MBOAT1: variants seen among roughly 807,000 people sequenced by gnomAD.
MBOAT1 encodes the protein membrane bound glycerophospholipid O-acyltransferase 1.
In MBOAT1, 67 loss-of-function variants were observed where a neutral mutation model predicts 64.4. That is an observed-to-expected ratio of 1.04 (90% CI 0.85 to 1.27). The LOEUF (loss-of-function observed/expected upper bound fraction) is 1.27, where lower values mean the gene tolerates loss of function less well. Ranked by LOEUF, MBOAT1 falls within the 50% of genes most tolerant of loss-of-function variation. The pLI is 0.00. For missense variants in MBOAT1, 563 were observed against 604.6 expected (o/e 0.93, Z 0.72); for synonymous variants, 229 against 218.9 (o/e 1.05, Z -0.41).
intron 8 of MBOAT1, among the ~76,000 whole-genome samples, chr6:20,119,096 C>T (rs1257924759): frequency 6.6e-6 from 1 of 152,122 alleles, no homozygotes; most frequent in Non-Finnish European, 1.5e-5. Flanking sequence ...GGTAGTGTAT[C>T]AGTTGGAGCT....
intron 2 of MBOAT1, among the ~76,000 whole-genome samples, chr6:20,152,314 G>A (rs888322589): frequency 2.0e-5 from 3 of 147,524 alleles, no homozygotes; most frequent in East Asian, 2.0e-4. Flanking sequence ...GCGACAGAGC[G>A]AGACTCCGTC....
Position 20,118,426 on chromosome 6 carries a change from C to A in MBOAT1, c.1011+11G>T, listed in dbSNP as rs758140697. On this transcript the variant is annotated intron_variant, in intron 9 of 12. Transcript: ENST00000324607. ...TCACTATGGAAGTTGGACTTAAAAG[C>A]ATACACTCACCTCAATTTTCCAGAT... The A allele has an allele frequency of 1.2e-6, 2 of 1,606,676 alleles. No individual in the cohort carries two copies. Among genetic ancestry groups the A allele is most frequent in the Admixed American group, 3.3e-5 (2 of 60,000 alleles).
chr6:20,119,821 A>G (rs1000236755), intron 8 of MBOAT1, among the ~76,000 whole-genome samples: 1 of 152,214 alleles, frequency 6.6e-6, no homozygotes, highest in African/African-American at 2.4e-5. Flanking sequence ...ACAGAGATCA[A>G]TGACACTAAG....
In MBOAT1 at chr6:20,110,076, A is replaced by AT. The variant is rs1554115421; in HGVS notation, c.1210-328dup. On this transcript the variant is annotated intron_variant, in intron 11 of 12. Coordinates refer to ENST00000324607, the MANE Select transcript of MBOAT1 (RefSeq NM_001080480.3). ...AGGCACCTGCCTCTATGCCCTGCTA[A>AT]TTTTTTGTATTTTTAGTAGAGCTGG... 9.8e-4 allele frequency among the ~76,000 whole-genome samples: 148 copies of AT among 151,356 alleles called. 1 individual carries two copies. Among genetic ancestry groups the AT allele is most frequent in the African/African-American group, 3.2e-3 (130 of 41,266 alleles).
intron 7 of MBOAT1, among the ~76,000 whole-genome samples, chr6:20,125,381 G>A (rs1039447356): frequency 6.6e-5 from 10 of 152,188 alleles, no homozygotes; most frequent in African/African-American, 2.4e-4. Context: ...TCCCAGTTAA[G>A]TGCTTAGCAC....
chr6:20,193,758 C>T (rs183749879), intron 1 of MBOAT1, among the ~76,000 whole-genome samples: 52 of 152,014 alleles, frequency 3.4e-4, no homozygotes, highest in Admixed American at 3.3e-3. Context: ...AGGCACCCGC[C>T]ACCACACCCA....
At chr6:20,126,741 T>C in intron 6 of MBOAT1, 41 bp from the exon 7 acceptor site, 1 of 1,447,010 alleles carries the variant, frequency 6.9e-7, no homozygotes, top group Non-Finnish European at 9.5e-7. Context: ...TCTTCAGTCT[T>C]TGCTTTTTCT....
chr6:20,193,887 G>A (rs1038236827), intron 1 of MBOAT1, among the ~76,000 whole-genome samples: 42 of 152,152 alleles, frequency 2.8e-4, no homozygotes, highest in Non-Finnish European at 2.1e-4. Context: ...TTACAGGTGT[G>A]AGCCACTGCG....
At chr6:20,116,123 G>A (rs1410050397) in intron 9 of MBOAT1, among the ~76,000 whole-genome samples, 1 of 152,166 alleles carries the variant, frequency 6.6e-6, no homozygotes, top group Non-Finnish European at 1.5e-5. Flanking sequence ...CCTGAGGTCA[G>A]GAGTTCAAGA....
chr6:20,148,779 C>T (rs981012557), intron 3 of MBOAT1, among the ~76,000 whole-genome samples: 24 of 152,236 alleles, frequency 1.6e-4, no homozygotes, highest in African/African-American at 5.1e-4. Context: ...ATTTCCACTT[C>T]GGCAATATTG....
At chr6:20,120,101 T>C (rs1292656329) in intron 8 of MBOAT1, among the ~76,000 whole-genome samples, 3 of 151,940 alleles carry the variant, frequency 2.0e-5, no homozygotes, top group Non-Finnish European at 2.9e-5. Flanking sequence ...CCTAACAGTG[T>C]TGAGACAGAA....
chr6:20,138,004 G>A (rs1051767531), intron 4 of MBOAT1, among the ~76,000 whole-genome samples: 4 of 152,114 alleles, frequency 2.6e-5, no homozygotes, highest in African/African-American at 4.8e-5. Context: ...TGGTTTGCTC[G>A]CATGCCTGTA....
chr6:20,159,965 G>C (rs995320751), intron 1 of MBOAT1, among the ~76,000 whole-genome samples: 2 of 152,108 alleles, frequency 1.3e-5, no homozygotes, highest in African/African-American at 4.8e-5. Context: ...TTAAAGTATT[G>C]TGTGGGCCTT....
intron 4 of MBOAT1, among the ~76,000 whole-genome samples, chr6:20,141,674 A>G (rs1761180986): frequency 6.6e-6 from 1 of 152,050 alleles, no homozygotes; most frequent in Non-Finnish European, 1.5e-5. Context: ...AGTGTGAGCC[A>G]TTGTGCCTGG....
intron 3 of MBOAT1, among the ~76,000 whole-genome samples, chr6:20,145,156 G>C (rs775643070): frequency 6.6e-6 from 1 of 152,074 alleles, no homozygotes; most frequent in Non-Finnish European, 1.5e-5. Context: ...GGGACCTTTG[G>C]GAGGTGACTA....
intron 11 of MBOAT1, among the ~76,000 whole-genome samples, 153 bp from the exon 12 acceptor site, chr6:20,109,902 C>CT (rs1158455991): frequency 0.03 from 2,802 of 93,900 alleles, 121 homozygotes; most frequent in African/African-American, 0.043. Flanking sequence ...ACCATCAGGA[C>CT]TTTTTTTTTT....
intron 1 of MBOAT1, among the ~76,000 whole-genome samples, chr6:20,160,451 A>C (rs746814030): frequency 3.3e-4 from 50 of 152,252 alleles, no homozygotes; most frequent in Non-Finnish European, 1.3e-4. Flanking sequence ...AGTGTAACAA[A>C]CTAAAAAGCT....
chr6:20,157,570 T>C (rs1483651849), intron 1 of MBOAT1, among the ~76,000 whole-genome samples: 1 of 152,098 alleles, frequency 6.6e-6, no homozygotes, highest in Non-Finnish European at 1.5e-5. Context: ...CTACGTACAC[T>C]CACATACACA....
chr6:20,115,228 G>A (rs369555173), intron 10 of MBOAT1, 60 bp downstream of exon 10: 2 of 1,261,146 alleles, frequency 1.6e-6, no homozygotes, highest in Admixed American at 1.7e-5. Context: ...TTCATCTACT[G>A]ACTCCCCTCT....
Sources: allele counts gnomAD v4.1 joint callset (sites outside exome capture counted in the v4.1 genomes callset), GRCh38; gene constraint gnomAD v4.1.1; transcripts MANE v1.5; gene names NCBI Gene and HGNC (gene_info 2026-07-23, HGNC 2026-07-21).